The following ARV1 variants were observed in gnomAD, a reference collection of about 807,000 sequenced individuals.
ARV1 encodes the protein protein ARV1.
In ARV1, 26 loss-of-function variants were observed where a neutral mutation model predicts 31.1. The observed-to-expected ratio is 0.84, with a 90% confidence interval of 0.61 to 1.16. ARV1 has a LOEUF of 1.16. ARV1 is among the 50% of genes most tolerant of loss of function. ARV1 has a pLI of 0.00. For missense variants in ARV1, 281 were observed against 324.9 expected, an observed-to-expected ratio of 0.86 and a Z score of 1.04; for synonymous variants, 117 against 123.2, an observed-to-expected ratio of 0.95 and a Z score of 0.34.
intron 3 of ARV1, among the ~76,000 whole-genome samples, chr1:230,994,965 C>T (rs1679321085): frequency 6.6e-6 from 1 of 152,086 alleles, no homozygotes; most frequent in South Asian, 2.1e-4. Flanking sequence ...CCAGAGAAAC[C>T]TGATTCTGCA....
intron 1 of ARV1, among the ~76,000 whole-genome samples, chr1:230,981,519 A>G (rs1027195757): frequency 1.3e-5 from 2 of 152,144 alleles, no homozygotes; most frequent in African/African-American, 2.4e-5. Flanking sequence ...TATGTTCAGA[A>G]TCCACTACTT....
At chr1:230,997,298 A>G (rs1679398521) in intron 5 of ARV1, 31 bp downstream of exon 5, 1 of 1,607,000 alleles carries the variant, frequency 6.2e-7, no homozygotes, top group Non-Finnish European at 8.5e-7. Flanking sequence ...TCATGCATTC[A>G]GACATGTAGC....
chr1:230,986,635 G>A (rs896425354), intron 1 of ARV1, among the ~76,000 whole-genome samples: 7 of 139,194 alleles, frequency 5.0e-5, no homozygotes, highest in South Asian at 2.4e-4. Flanking sequence ...GTTTCTGTTC[G>A]TGCCTTCCAC....
intron 1 of ARV1, chr1:230,979,506 AC>A: frequency 1.9e-6 from 1 of 520,870 alleles, no homozygotes; most frequent in East Asian, 3.7e-5. Context: ...AACGGACCGG[AC>A]CGACAGACAG....
intron 1 of ARV1, among the ~76,000 whole-genome samples, chr1:230,981,688 G>T (rs775903810): frequency 3.9e-5 from 6 of 152,158 alleles, no homozygotes; most frequent in Non-Finnish European, 8.8e-5. Context: ...ATGTAATTTA[G>T]ATCATATCAT....
At chr1:230,993,685 G>A (rs4846889) in intron 3 of ARV1, among the ~76,000 whole-genome samples, 151,991 of 152,326 alleles carry the variant, frequency 1, 75,830 homozygotes, top group Middle Eastern at 1. Flanking sequence ...ACTTGAGCTC[G>A]GAAGTTGGAA....
chr1:230,991,442 T>C lies in ARV1; in HGVS notation c.448+1179T>C, dbSNP rs1182848585. Among the ~76,000 whole-genome samples, 4 of 152,228 alleles carry C rather than the reference T, an allele frequency of 2.6e-5. No individual in the cohort carries two copies. The East Asian group carries it at 7.7e-4, about 29-fold the overall frequency. On this transcript the variant is annotated intron_variant, in intron 3 of 5. Coordinates refer to ENST00000310256, the MANE Select transcript of ARV1 (RefSeq NM_022786.3). ...CATCACCACTTGGATATCTAATAAA[T>C]CACCATACCCATAATTGAGCTCCTC...
intron 3 of ARV1, among the ~76,000 whole-genome samples, chr1:230,993,691 T>A (rs917546927): frequency 1.3e-5 from 2 of 152,164 alleles, no homozygotes; most frequent in Non-Finnish European, 2.9e-5. Context: ...GCTCGGAAGT[T>A]GGAAACCAGC....
intron 2 of ARV1, among the ~76,000 whole-genome samples, chr1:230,989,596 T>C (rs1003643105): frequency 1.3e-5 from 2 of 152,250 alleles, no homozygotes; most frequent in African/African-American, 4.8e-5. Flanking sequence ...GTCATACTCA[T>C]CCAGCTGGAG....
intron 1 of ARV1, 198 bp downstream of exon 1, chr1:230,979,477 G>T: frequency 1.6e-6 from 1 of 606,914 alleles, no homozygotes; most frequent in East Asian, 3.4e-5. Flanking sequence ...ATATTTGGGT[G>T]ATATGACCTA....
intron 1 of ARV1, among the ~76,000 whole-genome samples, chr1:230,981,652 A>G (rs1365543598): frequency 2.0e-5 from 3 of 152,202 alleles, no homozygotes; most frequent in Non-Finnish European, 4.4e-5. Context: ...CTCTCCACAC[A>G]GTAGCCAGGG....
intron 5 of ARV1, among the ~76,000 whole-genome samples, chr1:230,998,985 A>G (rs1679453541): frequency 6.6e-6 from 1 of 152,180 alleles, no homozygotes; most frequent in Admixed American, 6.5e-5. Context: ...GCTCTGCTCC[A>G]GAAACCTCTG....
chr1:230,994,610 C>T (rs1320533012), intron 3 of ARV1, among the ~76,000 whole-genome samples: 1 of 149,644 alleles, frequency 6.7e-6, no homozygotes, highest in East Asian at 2.0e-4. Context: ...GGCACAATCT[C>T]GGCTCACTGC....
intron 3 of ARV1, among the ~76,000 whole-genome samples, chr1:230,992,448 G>A (rs570534314): frequency 1.3e-5 from 2 of 152,162 alleles, no homozygotes; most frequent in South Asian, 4.1e-4. Context: ...CTCCTGTTCC[G>A]GCTCTACTTT....
chr1:230,989,954 C>A (rs753290530), intron 2 of ARV1, among the ~76,000 whole-genome samples, 156 bp from the exon 3 acceptor site: 4 of 152,168 alleles, frequency 2.6e-5, no homozygotes, highest in Non-Finnish European at 5.9e-5. Flanking sequence ...CTGATTAAAA[C>A]TCACTGATTA....
intron 4 of ARV1, among the ~76,000 whole-genome samples, chr1:230,996,721 G>A (rs906930489): frequency 6.6e-6 from 1 of 152,108 alleles, no homozygotes; most frequent in Admixed American, 6.6e-5. Flanking sequence ...AGCATGAGCC[G>A]CTGTGCCTGG....
intron 1 of ARV1, among the ~76,000 whole-genome samples, chr1:230,984,367 T>TGTGCGC (rs1553303970): frequency 1.6e-5 from 2 of 124,296 alleles, no homozygotes; most frequent in African/African-American, 7.0e-5. Context: ...TGTGTGCGTG[T>TGTGCGC]GTGTGTGTGT....
At chr1:230,990,597 T>G (rs1186191945) in intron 3 of ARV1, 2 of 294,246 alleles carry the variant, frequency 6.8e-6, no homozygotes, top group East Asian at 2.6e-4. Flanking sequence ...CTCTGTTGCC[T>G]AGGCTGGAGT....
chr1:230,989,994 G>C (rs1679184179), intron 2 of ARV1, 116 bp from the exon 3 acceptor site: 1 of 1,037,656 alleles, frequency 9.6e-7, no homozygotes, highest in Non-Finnish European at 1.4e-6. Context: ...CACTTAATTG[G>C]GCAGTCCTGA....
Sources: gnomAD v4.1 joint callset for allele counts (sites outside exome capture counted in the v4.1 genomes callset) on GRCh38, gnomAD v4.1.1 for gene constraint, MANE v1.5 for transcripts, NCBI Gene and HGNC (gene_info 2026-07-23, HGNC 2026-07-21) for gene names.